Variants in PRTFDC1 observed in about 807,000 individuals in gnomAD.
PRTFDC1 encodes phosphoribosyl transferase domain containing 1, also known as phosphoribosyltransferase domain-containing protein 1.
Under a neutral mutation model 34.6 loss-of-function variants are expected in PRTFDC1, and 38 were observed. The ratio of observed to expected loss-of-function variants is 1.10; its 90% confidence interval spans 0.85 to 1.44. The LOEUF (loss-of-function observed/expected upper bound fraction) is 1.44, where lower values mean the gene tolerates loss of function less well. Ranked by LOEUF, PRTFDC1 falls within the 40% of genes most tolerant of loss-of-function variation. The probability of loss-of-function intolerance (pLI) is 0.00; values close to 1 mark genes in which losing one functional copy is unlikely to be tolerated. For synonymous variants in PRTFDC1, 93 were observed against 98.1 expected (o/e 0.95, Z 0.31); for missense variants, 270 against 283.0 (o/e 0.95, Z 0.33).
chr10:24,897,376 C>G (rs955753727), intron 3 of PRTFDC1, among the ~76,000 whole-genome samples: 1 of 152,192 alleles, frequency 6.6e-6, no homozygotes, highest in Non-Finnish European at 1.5e-5. Context: ...TAAAAAGGTA[C>G]TCCTACTACC....
At chr10:24,909,247 C>T (rs1376989004) in intron 3 of PRTFDC1, among the ~76,000 whole-genome samples, 1 of 152,158 alleles carries the variant, frequency 6.6e-6, no homozygotes, top group East Asian at 1.9e-4. Flanking sequence ...TGTCATTGCA[C>T]TCCAGCCTGA....
At chr10:24,880,256 CTTTT>C (rs567139175) in intron 3 of PRTFDC1, among the ~76,000 whole-genome samples, 1 of 139,132 alleles carries the variant, frequency 7.2e-6, no homozygotes, top group Non-Finnish European at 1.6e-5. Flanking sequence ...TCTTTTTTTT[CTTTT>C]TTTTTTTGTT....
At chr10:24,859,578 C>A (rs1847642223) in intron 4 of PRTFDC1, among the ~76,000 whole-genome samples, 1 of 152,164 alleles carries the variant, frequency 6.6e-6, no homozygotes, top group Non-Finnish European at 1.5e-5. Context: ...TTCCTGAAGC[C>A]TCCCTAGAAG....
intron 1 of PRTFDC1, among the ~76,000 whole-genome samples, chr10:24,943,843 C>A (rs1440145588): frequency 6.6e-6 from 1 of 152,076 alleles, no homozygotes; most frequent in Non-Finnish European, 1.5e-5. Flanking sequence ...TTAGCCAGCA[C>A]AACTGGCCTC....
intron 3 of PRTFDC1, among the ~76,000 whole-genome samples, chr10:24,927,772 A>G (rs761188639): frequency 1.3e-5 from 2 of 151,862 alleles, no homozygotes; most frequent in Non-Finnish European, 2.9e-5. Context: ...AGTAGAGGTG[A>G]GGTTTCACCA....
At chr10:24,909,330 A>C (rs1848590866) in intron 3 of PRTFDC1, among the ~76,000 whole-genome samples, 1 of 152,236 alleles carries the variant, frequency 6.6e-6, no homozygotes, top group African/African-American at 2.4e-5. Context: ...GATATTGTAG[A>C]ACTTTTAATA....
At chr10:24,935,630 G>C (rs556652313) in intron 3 of PRTFDC1, among the ~76,000 whole-genome samples, 36 of 152,300 alleles carry the variant, frequency 2.4e-4, no homozygotes, top group African/African-American at 8.4e-4. Flanking sequence ...TGTAAACGTG[G>C]TGGGAATTCG....
chr10:24,925,761 C>T (rs1176562912), intron 3 of PRTFDC1, among the ~76,000 whole-genome samples: 1 of 152,182 alleles, frequency 6.6e-6, no homozygotes, highest in Non-Finnish European at 1.5e-5. Flanking sequence ...ACTGTTAAGT[C>T]ACTTGCTCCC....
At chr10:24,943,453 G>A (rs1229900673) in intron 1 of PRTFDC1, among the ~76,000 whole-genome samples, 2 of 151,994 alleles carry the variant, frequency 1.3e-5, no homozygotes, top group East Asian at 1.9e-4. Flanking sequence ...TGAAGGTGGA[G>A]TTACTTTTAC....
At chr10:24,915,721 C>A (rs972568156) in intron 3 of PRTFDC1, among the ~76,000 whole-genome samples, 1 of 152,220 alleles carries the variant, frequency 6.6e-6, no homozygotes, top group African/African-American at 2.4e-5. Flanking sequence ...TTGCTTCACT[C>A]AGCTTCCAGG....
chr10:24,877,918 G>C (rs116604348), intron 3 of PRTFDC1, among the ~76,000 whole-genome samples: 3,149 of 152,222 alleles, frequency 0.021, 114 homozygotes, highest in African/African-American at 0.072. Flanking sequence ...ACTGTGCCTG[G>C]CCAGAATAGG....
chr10:24,918,546 G>T (rs1252941193), intron 3 of PRTFDC1, among the ~76,000 whole-genome samples: 1 of 151,734 alleles, frequency 6.6e-6, no homozygotes, highest in African/African-American at 2.4e-5. Flanking sequence ...CCTCCCAAGG[G>T]CTGTGACTAC....
rs1029911918 is a variant in PRTFDC1, at chr10:24,849,282, C to G, written c.*562G>C. On this transcript the variant is annotated 3_prime_UTR_variant, in exon 9 of 9. Transcript: ENST00000320152. ...CATTGTACACTGCGTTTCAGAAAGG[C>G]TTTGTCAAAGCAGATAATAATGGCC... The G allele has an allele frequency of 6.5e-6, 1 of 152,760 alleles. No individual in the cohort carries two copies. The highest frequency in any genetic ancestry group is 1.5e-5 in the Non-Finnish European group (1 of 68,164). The allele number at this position is 152,760 out of a possible 1,614,324, so 9.5% of individuals were successfully genotyped here. A position where few individuals can be genotyped will look rare whatever the true frequency, so the allele number is the denominator to read the frequency against.
intron 3 of PRTFDC1, among the ~76,000 whole-genome samples, chr10:24,916,074 T>C (rs926810908): frequency 6.6e-6 from 1 of 152,168 alleles, no homozygotes; most frequent in Non-Finnish European, 1.5e-5. Context: ...TTTTAGTAAA[T>C]GGCAACTCAG....
intron 3 of PRTFDC1, among the ~76,000 whole-genome samples, chr10:24,876,958 G>A (rs2132519161): frequency 6.6e-6 from 1 of 151,690 alleles, no homozygotes; most frequent in African/African-American, 2.4e-5. Context: ...CCACTGGGAT[G>A]GTGAAGGAAA....
chr10:24,874,620 C>G (rs898854036), intron 3 of PRTFDC1, among the ~76,000 whole-genome samples: 1 of 152,114 alleles, frequency 6.6e-6, no homozygotes, highest in Non-Finnish European at 1.5e-5. Flanking sequence ...TGATTAAAAC[C>G]AAAAACCACA....
At chr10:24,898,172 T>G (rs1455114788) in intron 3 of PRTFDC1, among the ~76,000 whole-genome samples, 1 of 150,808 alleles carries the variant, frequency 6.6e-6, no homozygotes, top group Non-Finnish European at 1.5e-5. Context: ...GAGCTGAGGC[T>G]GTGCGCAGTG....
intron 4 of PRTFDC1, among the ~76,000 whole-genome samples, chr10:24,866,148 G>A (rs1246025595): frequency 1.3e-5 from 2 of 151,986 alleles, no homozygotes; most frequent in East Asian, 3.9e-4. Flanking sequence ...ATCACTTGAG[G>A]TCAGAAGTTT....
chr10:24,856,648 G>T (rs891101575), intron 6 of PRTFDC1, among the ~76,000 whole-genome samples: 1 of 152,138 alleles, frequency 6.6e-6, no homozygotes, highest in African/African-American at 2.4e-5. Context: ...TTGCACGGGG[G>T]CTCATCCAGC....
Sources: gnomAD v4.1 joint callset for allele counts (sites outside exome capture counted in the v4.1 genomes callset) on GRCh38, gnomAD v4.1.1 for gene constraint, MANE v1.5 for transcripts, NCBI Gene and HGNC (gene_info 2026-07-23, HGNC 2026-07-21) for gene names.